Variants in IL17RD observed in about 807,000 individuals in gnomAD.
The protein encoded by IL17RD is interleukin 17 receptor D, also known as interleukin-17 receptor D.
Under a neutral mutation model 80.5 loss-of-function variants are expected in IL17RD, and 52 were observed. That is an observed-to-expected ratio of 0.65 (90% CI 0.52 to 0.81). The LOEUF is 0.81. IL17RD is among the 40% of genes least tolerant of loss of function. The probability of loss-of-function intolerance (pLI) is 0.00; values close to 1 mark genes in which losing one functional copy is unlikely to be tolerated. For synonymous variants in IL17RD, 416 were observed against 391.8 expected (o/e 1.06, Z -0.73); for missense variants, 1,024 against 955.1 (o/e 1.07, Z -0.95).
In IL17RD at chr3:57,091,402, G is replaced by A. The variant is rs540366649; in HGVS notation, c.*4991C>T. On this transcript the variant is annotated 3_prime_UTR_variant, in exon 13 of 13. Transcript: ENST00000296318. ...AGGTGACATATCATTTTGTGAAAGT[G>A]CCATTATATTTTTAAGTGGTAAGAG... 43 of 152,662 alleles carry A rather than the reference G, an allele frequency of 2.8e-4. No individual in the cohort carries two copies. The highest frequency in any genetic ancestry group is 9.4e-4 in the African/African-American group (39 of 41,548). The allele number at this position is 152,662 out of a possible 1,614,324, so 9.5% of individuals were successfully genotyped here.
chr3:57,124,063 A>G (rs1449277284), intron 1 of IL17RD, among the ~76,000 whole-genome samples: 1 of 152,094 alleles, frequency 6.6e-6, no homozygotes, highest in Non-Finnish European at 1.5e-5. Context: ...CAAACAAACA[A>G]AAACCTTTCA....
intron 1 of IL17RD, among the ~76,000 whole-genome samples, chr3:57,160,312 G>GAA (rs58416765): frequency 0.054 from 7,842 of 145,778 alleles, 656 homozygotes; most frequent in African/African-American, 0.18. Flanking sequence ...CTTTAAAAAA[G>GAA]AAAAAAAAAA....
Position 57,110,307 on chromosome 3 carries a change from G to C in IL17RD, c.315C>G (p.Ile105Met). 1.3e-6 allele frequency: 2 copies of C among 1,594,994 alleles called. No individual in the cohort carries two copies. Among genetic ancestry groups the C allele is most frequent in the Non-Finnish European group, 1.7e-6 (2 of 1,169,914 alleles). ...TTACCCGAAATCCTTTCAGGAATTC[G>C]ATGCCTAAGCAAAGCAGAATGCTTT... ...TILWSPGALG[I>M]EFLKGFRVIL... Residue 105 changes from isoleucine to methionine, a missense_variant, in exon 4 of 13, where the codon ATC becomes ATG. Transcript: ENST00000296318.
At chr3:57,106,614 C>G (rs978942740) in intron 5 of IL17RD, among the ~76,000 whole-genome samples, 4 of 152,260 alleles carry the variant, frequency 2.6e-5, no homozygotes, top group African/African-American at 7.2e-5. Flanking sequence ...CACTAGTATT[C>G]TAATTTAAGA....
chr3:57,108,855 G>A (rs1707026764), intron 5 of IL17RD, among the ~76,000 whole-genome samples: 1 of 151,770 alleles, frequency 6.6e-6, no homozygotes, highest in African/African-American at 2.4e-5. Flanking sequence ...TTGCTATGTT[G>A]CCCAGGCTAG....
chr3:57,113,095 T>C (rs536141004), intron 3 of IL17RD, among the ~76,000 whole-genome samples: 1 of 152,316 alleles, frequency 6.6e-6, no homozygotes, highest in East Asian at 1.9e-4. Flanking sequence ...ATGGTCCCCT[T>C]CCTACATCTC....
chr3:57,099,552 G>T (rs537816011), intron 11 of IL17RD, among the ~76,000 whole-genome samples: 2 of 152,262 alleles, frequency 1.3e-5, no homozygotes, highest in South Asian at 4.1e-4. Context: ...CTCCTCTTCT[G>T]CTCTAAGATG....
chr3:57,099,708 C>G (rs1205552085), intron 11 of IL17RD, among the ~76,000 whole-genome samples: 2 of 152,226 alleles, frequency 1.3e-5, no homozygotes, highest in Non-Finnish European at 2.9e-5. Flanking sequence ...ATGTTTCTAT[C>G]TTTGACCCAG....
intron 8 of IL17RD, among the ~76,000 whole-genome samples, chr3:57,103,845 C>T (rs947342685): frequency 6.6e-6 from 1 of 152,054 alleles, no homozygotes; most frequent in Non-Finnish European, 1.5e-5. Flanking sequence ...GCTGGGATTA[C>T]AGGCGCCCAC....
intron 1 of IL17RD, among the ~76,000 whole-genome samples, chr3:57,127,263 A>AAAT (rs1408833057): frequency 4.8e-4 from 44 of 91,122 alleles, no homozygotes; most frequent in Admixed American, 1.2e-3. Flanking sequence ...AATATATATA[A>AAAT]ATATATATAA....
At chr3:57,151,047 ATTGT>A (rs921116083) in intron 1 of IL17RD, among the ~76,000 whole-genome samples, 6 of 152,240 alleles carry the variant, frequency 3.9e-5, no homozygotes, top group African/African-American at 1.2e-4. Context: ...AAGAGGGAAG[ATTGT>A]TTGAAAGGGA....
Position 57,153,982 on chromosome 3 carries a change from A to G in IL17RD, c.126+11179T>C, listed in dbSNP as rs1394063267. Among the ~76,000 whole-genome samples, 6 of 152,174 alleles carry G rather than the reference A, an allele frequency of 3.9e-5. No homozygotes were observed. The East Asian group carries it at 9.7e-4, about 24-fold the overall frequency. ...TGCTCTAGGCAGGGCATGGTGGCTC[A>G]TGTCTGTAATCCCAGCACTTTGCGA... On this transcript the variant is annotated intron_variant, in intron 1 of 12. Coordinates refer to ENST00000296318, the MANE Select transcript of IL17RD (RefSeq NM_017563.5).
rs2291461 is a variant in IL17RD at position 57,101,490 on chromosome 3, C to G, written c.980-127G>C. ...CCTAGAGCAGTCCCATTCCCCAACT[C>G]CATCAGCCCCCTCTGATCATCACTT... On this transcript the variant is annotated intron_variant, in intron 10 of 12. Transcript: ENST00000296318. 0.82 allele frequency: 471,512 copies of G among 575,174 alleles called. 196,671 individuals carry two copies. Among genetic ancestry groups the G allele is most frequent in the South Asian group, 0.92 (35,630 of 38,608 alleles). 35.6% of individuals were successfully genotyped at this position (575,174 alleles called of 1,614,324 possible). A position where few individuals can be genotyped will look rare whatever the true frequency, so the allele number is the denominator to read the frequency against.
At chr3:57,106,213 C>A in intron 5 of IL17RD, 59 bp from the exon 6 acceptor site, 5 of 1,215,320 alleles carry the variant, frequency 4.1e-6, no homozygotes, top group East Asian at 2.4e-5. Flanking sequence ...ATTTTCCTCT[C>A]CCAACAACCC....
chr3:57,149,102 A>T (rs1707997990), intron 1 of IL17RD, among the ~76,000 whole-genome samples: 1 of 152,182 alleles, frequency 6.6e-6, no homozygotes, highest in Admixed American at 6.5e-5. Flanking sequence ...ATCTGAGGTC[A>T]GGAGTTCAAG....
rs374009293 is a variant in IL17RD, at chr3:57,105,844, C to T, written c.747+13G>A. The T allele has an allele frequency of 8.1e-6, 13 of 1,611,948 alleles. No homozygotes were observed. Among genetic ancestry groups the T allele is most frequent in the African/African-American group, 1.3e-5 (1 of 74,940 alleles). On this transcript the variant is annotated intron_variant, in intron 7 of 12. Transcript: ENST00000296318. Reference sequence around the variant, plus strand: ...AACACGCAGTGTTCCTTTATATACACCCAGCAGCTCACCTGCTTACAGGTC... The same window carrying T: ...AACACGCAGTGTTCCTTTATATACATCCAGCAGCTCACCTGCTTACAGGTC...
chr3:57,094,618 A>G lies in IL17RD; in HGVS notation c.*1775T>C, dbSNP rs1706628955. On this transcript the variant is annotated 3_prime_UTR_variant, in exon 13 of 13. Transcript: ENST00000296318. ...ACAGGAAACATCTCTTGGCCTCAAT[A>G]AGAAATCTCTCATCATGTTCCAAGT... 1 of 152,214 alleles carries G rather than the reference A, an allele frequency of 6.6e-6. No homozygotes were observed. The highest frequency in any genetic ancestry group is 2.4e-5 in the African/African-American group (1 of 41,454). 9.4% of individuals were successfully genotyped at this position (152,214 alleles called of 1,614,324 possible). A position where few individuals can be genotyped will look rare whatever the true frequency, so the allele number is the denominator to read the frequency against.
chr3:57,134,279 G>T, intron 1 of IL17RD: 1 of 681,200 alleles, frequency 1.5e-6, no homozygotes. Context: ...TCAAAGATGG[G>T]CTGATCATCT....
At chr3:57,146,816 T>A (rs1579311663) in intron 1 of IL17RD, among the ~76,000 whole-genome samples, 1 of 138,836 alleles carries the variant, frequency 7.2e-6, no homozygotes, top group Non-Finnish European at 1.5e-5. Flanking sequence ...GTGTGAGAGG[T>A]ATTCTTTTTT....
Sources: allele counts gnomAD v4.1 joint callset (sites outside exome capture counted in the v4.1 genomes callset), GRCh38; gene constraint gnomAD v4.1.1; transcripts MANE v1.5; gene names NCBI Gene and HGNC (gene_info 2026-07-23, HGNC 2026-07-21).